The following LNPK variants were observed in gnomAD, a reference collection of about 807,000 sequenced individuals.
The protein encoded by LNPK is endoplasmic reticulum junction formation protein lunapark.
In LNPK, 29 loss-of-function variants were observed where a neutral mutation model predicts 55.2. The observed-to-expected ratio is 0.53, with a 90% CI of 0.39 to 0.72. The LOEUF (loss-of-function observed/expected upper bound fraction) is 0.72, where lower values mean the gene tolerates loss of function less well. LNPK is among the 30% of genes least tolerant of loss of function. The pLI is 0.00. For missense variants in LNPK, 467 were observed against 494.8 expected, an observed-to-expected ratio of 0.94 and a Z score of 0.53; for synonymous variants, 162 against 168.2, an observed-to-expected ratio of 0.96 and a Z score of 0.29.
At chr2:175,946,802 T>C (rs1685145778) in intron 9 of LNPK, among the ~76,000 whole-genome samples, 1 of 152,114 alleles carries the variant, frequency 6.6e-6, no homozygotes, top group Admixed American at 6.6e-5. Context: ...CATAAAACAA[T>C]GTGATCTGTG....
In LNPK at chr2:175,926,272, A is replaced by T. The variant is rs530774187; in HGVS notation, c.*3695T>A. ...TGCTAACTGTTGCATTGGAAGGTGG[A>T]GCCTAATGGAGATGTTTAGGTCATG... On this transcript the variant is annotated 3_prime_UTR_variant, in exon 13 of 13. Transcript: ENST00000272748. 1 of 152,330 alleles carries T rather than the reference A, an allele frequency of 6.6e-6. No individual in the cohort carries two copies. Among genetic ancestry groups the T allele is most frequent in the African/African-American group, 2.4e-5 (1 of 41,566 alleles). 9.4% of individuals were successfully genotyped at this position (152,330 alleles called of 1,614,324 possible).
chr2:175,947,541 G>A lies in LNPK; in HGVS notation c.645C>T (p.Ala215=), dbSNP rs541113925. 6.2e-7 allele frequency: 1 copy of A among 1,614,014 alleles called. No homozygotes were observed. Among genetic ancestry groups the A allele is most frequent in the East Asian group, 2.2e-5 (1 of 44,878 alleles). Residue 215 remains alanine, a synonymous_variant, in exon 9 of 13, where the codon GCC becomes GCT. Transcript: ENST00000272748. ...GGPPERTVTP[A]LSSNVLPRHL... Reference sequence around the variant, plus strand: ...GTCTTGGTAACACATTTGATGATAGGGCTGGAGTAACAGTCCTTTCTGGGG... The same window carrying A: ...GTCTTGGTAACACATTTGATGATAGAGCTGGAGTAACAGTCCTTTCTGGGG...
chr2:175,930,179 G>T lies in LNPK; in HGVS notation c.1075C>A (p.Leu359Ile), dbSNP rs775239596. 2 of 1,612,380 alleles carry T rather than the reference G, an allele frequency of 1.2e-6. No homozygotes were observed. The highest frequency in any genetic ancestry group is 2.2e-5 in the South Asian group (2 of 91,024). Reference protein sequence around the residue: ...FNEESLEHDVLDDNTEQTDDK... With the variant: ...FNEESLEHDVIDDNTEQTDDK... ...TCTGTCTGCTCTGTATTATCATCAA[G>T]AACATCGTGTTCTAAAGATTCTGAA... Residue 359 changes from leucine (L) to isoleucine (I), a missense_variant, in exon 13 of 13, where the codon CTT (leucine) becomes ATT (isoleucine). Coordinates refer to ENST00000272748, the MANE Select transcript of LNPK (RefSeq NM_030650.3).
intron 5 of LNPK, among the ~76,000 whole-genome samples, chr2:175,978,560 T>C (rs1687017927): frequency 6.6e-6 from 1 of 152,182 alleles, no homozygotes; most frequent in South Asian, 2.1e-4. Context: ...TATTAGTGAT[T>C]TGAGGAGAAA....
chr2:175,981,135 C>A (rs1360688452), intron 4 of LNPK, among the ~76,000 whole-genome samples: 1 of 152,120 alleles, frequency 6.6e-6, no homozygotes, highest in East Asian at 1.9e-4. Flanking sequence ...TTGTGTAGTC[C>A]TCTCTCACCA....
chr2:175,971,570 A>G (rs1340174571), intron 5 of LNPK, among the ~76,000 whole-genome samples: 1 of 152,144 alleles, frequency 6.6e-6, no homozygotes, highest in Non-Finnish European at 1.5e-5. Context: ...TACTTAATTA[A>G]ATTTATAAAT....
chr2:175,930,315 CACAA>C (rs1030066298), intron 12 of LNPK, 116 bp from the exon 13 acceptor site: 46 of 511,086 alleles, frequency 9.0e-5, no homozygotes, highest in Non-Finnish European at 1.3e-4. Context: ...CACACACACA[CACAA>C]AGAAACCATA....
Position 175,938,496 on chromosome 2 carries a change from T to C in LNPK, c.813-113A>G, listed in dbSNP as rs546066917. 1.2e-5 allele frequency: 6 copies of C among 508,472 alleles called. No individual in the cohort carries two copies. The South Asian group carries it at 3.0e-4, about 25-fold the overall frequency. The allele number at this position is 508,472 out of a possible 1,614,324, so 31.5% of individuals were successfully genotyped here. A position where few individuals can be genotyped will look rare whatever the true frequency, so the allele number is the denominator to read the frequency against. ...TATTTTAACACAGCTAAATATGCCA[T>C]AACAAATTATATGAGACTTAGTAAA... is the stretch of plus-strand genomic sequence containing the variant. On this transcript the variant is annotated intron_variant, in intron 10 of 12. Coordinates refer to ENST00000272748, the MANE Select transcript of LNPK (RefSeq NM_030650.3).
intron 9 of LNPK, among the ~76,000 whole-genome samples, chr2:175,940,715 A>C (rs946976848): frequency 3.9e-5 from 6 of 152,222 alleles, no homozygotes; most frequent in African/African-American, 1.4e-4. Context: ...AAAATGACTG[A>C]ATTAGTACAC....
At chr2:175,947,893 CACA>C (rs1284992736) in intron 8 of LNPK, among the ~76,000 whole-genome samples, 2 of 152,100 alleles carry the variant, frequency 1.3e-5, no homozygotes, top group Non-Finnish European at 2.9e-5. Flanking sequence ...TACATGTTTA[CACA>C]ACAAGCCATG....
intron 5 of LNPK, among the ~76,000 whole-genome samples, chr2:175,975,093 A>G (rs1367033039): frequency 1.3e-5 from 2 of 150,934 alleles, no homozygotes; most frequent in Non-Finnish European, 2.9e-5. Context: ...TTCTTCCACC[A>G]TCTGCTATAT....
chr2:175,999,095 C>T (rs147986152), intron 1 of LNPK, among the ~76,000 whole-genome samples: 155 of 152,294 alleles, frequency 1.0e-3, no homozygotes, highest in African/African-American at 3.3e-3. Context: ...AACAGTCAAC[C>T]AGCACAGTTT....
At chr2:175,954,160 C>A (rs1164578398) in intron 8 of LNPK, among the ~76,000 whole-genome samples, 2 of 152,018 alleles carry the variant, frequency 1.3e-5, no homozygotes. Flanking sequence ...ATGTGTATAC[C>A]CCTTTTAATC....
intron 2 of LNPK, 29 bp from the exon 3 acceptor site, chr2:175,993,252 C>A: frequency 7.1e-7 from 1 of 1,418,160 alleles, no homozygotes; most frequent in Admixed American, 2.3e-5. Flanking sequence ...CAAGAGACAG[C>A]ATTAAAACTT....
At chr2:175,957,453 C>A (rs1007057440) in intron 8 of LNPK, among the ~76,000 whole-genome samples, 2 of 151,892 alleles carry the variant, frequency 1.3e-5, no homozygotes, top group Admixed American at 6.6e-5. Flanking sequence ...AGCTATCACA[C>A]ACTTGTCAAA....
At chr2:175,950,487 A>G (rs1398450101) in intron 8 of LNPK, among the ~76,000 whole-genome samples, 1 of 152,166 alleles carries the variant, frequency 6.6e-6, no homozygotes, top group African/African-American at 2.4e-5. Flanking sequence ...CATAAATTGT[A>G]TGCAAGTATG....
intron 8 of LNPK, among the ~76,000 whole-genome samples, chr2:175,953,137 A>G (rs1437597117): frequency 6.6e-6 from 1 of 152,058 alleles, no homozygotes; most frequent in Non-Finnish European, 1.5e-5. Context: ...TCAGTCTTCT[A>G]CTTACTACCA....
intron 5 of LNPK, among the ~76,000 whole-genome samples, chr2:175,978,321 T>A (rs566717562): frequency 5.9e-5 from 9 of 152,318 alleles, no homozygotes; most frequent in African/African-American, 9.6e-5. Context: ...ACCACTTTTA[T>A]TCTCGGAGGG....
Position 175,929,776 on chromosome 2 carries a change from G to A in LNPK, c.*191C>T, listed in dbSNP as rs1461975956. On this transcript the variant is annotated 3_prime_UTR_variant, in exon 13 of 13. Coordinates refer to ENST00000272748, the MANE Select transcript of LNPK (RefSeq NM_030650.3). ...ACATTCAAAAGGATCTTACTTCACT[G>A]ATATAACTTGCTTTTAATTTTAATA... The A allele has an allele frequency of 2.8e-6, 4 of 1,420,520 alleles. No individual in the cohort carries two copies. The African/African-American group carries it at 5.8e-5, about 20-fold the overall frequency. The allele number at this position is 1,420,520 out of a possible 1,614,324, so 88.0% of individuals were successfully genotyped here. A position where few individuals can be genotyped will look rare whatever the true frequency, so the allele number is the denominator to read the frequency against.
Sources: allele counts gnomAD v4.1 joint callset (sites outside exome capture counted in the v4.1 genomes callset), GRCh38; gene constraint gnomAD v4.1.1; transcripts MANE v1.5; gene names NCBI Gene and HGNC (gene_info 2026-07-23, HGNC 2026-07-21).